TMEFF1: variants seen among roughly 807,000 people sequenced by gnomAD.
TMEFF1 encodes transmembrane protein with EGF like and two follistatin like domains 1, also known as tomoregulin-1.
Under a neutral mutation model 47.5 loss-of-function variants are expected in TMEFF1, and 20 were observed. The observed-to-expected ratio is 0.42, with a 90% CI of 0.30 to 0.61. The LOEUF is 0.61. Ranked by LOEUF, TMEFF1 falls within the 20% of genes least tolerant of loss-of-function variation. The probability of loss-of-function intolerance (pLI) is 0.19; values close to 1 mark genes in which losing one functional copy is unlikely to be tolerated. For synonymous variants in TMEFF1, 162 were observed against 166.3 expected, an observed-to-expected ratio of 0.97 and a Z score of 0.20; for missense variants, 411 against 471.1, an observed-to-expected ratio of 0.87 and a Z score of 1.18.
At chr9:100,495,932 G>A (rs1837642893) in intron 1 of TMEFF1, among the ~76,000 whole-genome samples, 1 of 152,120 alleles carries the variant, frequency 6.6e-6, no homozygotes, top group South Asian at 2.1e-4. Flanking sequence ...GGTACCTCCT[G>A]TCAGATATCA....
At chr9:100,483,473 G>A (rs1837380630) in intron 1 of TMEFF1, among the ~76,000 whole-genome samples, 1 of 150,524 alleles carries the variant, frequency 6.6e-6, no homozygotes, top group African/African-American at 2.4e-5. Flanking sequence ...CTCCAGCCTG[G>A]GCAACAAGAG....
At chr9:100,526,367 T>C (rs553413515) in intron 5 of TMEFF1, among the ~76,000 whole-genome samples, 1 of 152,284 alleles carries the variant, frequency 6.6e-6, no homozygotes, top group Admixed American at 6.5e-5. Flanking sequence ...TTTCCCTTCC[T>C]CTTTTTTCTA....
chr9:100,564,548 C>T (rs1384547715), intron 8 of TMEFF1, among the ~76,000 whole-genome samples: 1 of 152,088 alleles, frequency 6.6e-6, no homozygotes, highest in Non-Finnish European at 1.5e-5. Flanking sequence ...AAAATGCTAT[C>T]ATACACAGCT....
Position 100,473,838 on chromosome 9 carries a change from T to TG in TMEFF1, c.196+103dup. On this transcript the variant is annotated intron_variant, in intron 1 of 9. Coordinates refer to ENST00000374879, the MANE Select transcript of TMEFF1 (RefSeq NM_003692.5). This position sits in a 1 kb window ranked among gnomAD's most constrained non-coding sequence, Gnocchi z 5.4. The stretch of plus-strand genomic sequence containing the variant: ...GGCCGGGCTGGGAAAGACCCCGTCG[T>TG]GGGGGTCCCAGGGGTGGGCCCGAGG... 1 of 1,339,370 alleles carries TG rather than the reference T, an allele frequency of 7.5e-7. No individual in the cohort carries two copies. The highest frequency in any genetic ancestry group is 1.7e-5 in the South Asian group (1 of 57,388). 83.0% of individuals were successfully genotyped at this position (1,339,370 alleles called of 1,614,324 possible). A position where few individuals can be genotyped will look rare whatever the true frequency, so the allele number is the denominator to read the frequency against.
At chr9:100,506,958 G>GA (rs1348179310) in intron 2 of TMEFF1, among the ~76,000 whole-genome samples, 1 of 151,962 alleles carries the variant, frequency 6.6e-6, no homozygotes, top group East Asian at 1.9e-4. Flanking sequence ...GTTTATTGCT[G>GA]ATCCTGCCAC....
At chr9:100,511,866 T>A (rs192406431) in intron 3 of TMEFF1, among the ~76,000 whole-genome samples, 168 of 152,308 alleles carry the variant, frequency 1.1e-3, no homozygotes, top group Non-Finnish European at 1.8e-3. Context: ...GCGTACCATT[T>A]ACAAAATATA....
chr9:100,491,882 C>CTTT (rs145822143), intron 1 of TMEFF1, among the ~76,000 whole-genome samples: 2 of 137,458 alleles, frequency 1.5e-5, no homozygotes, highest in Non-Finnish European at 3.2e-5. Flanking sequence ...AGTTTCTTTC[C>CTTT]TTTTTTTTTT....
chr9:100,504,220 C>T (rs147920801), intron 2 of TMEFF1, among the ~76,000 whole-genome samples: 2 of 152,142 alleles, frequency 1.3e-5, no homozygotes, highest in Non-Finnish European at 2.9e-5. Flanking sequence ...AGTCAGAAAT[C>T]GCATGTTGTT....
chr9:100,572,442 G>C (rs913289695), intron 8 of TMEFF1, 76 bp from the exon 9 acceptor site: 2 of 1,404,868 alleles, frequency 1.4e-6, no homozygotes, highest in African/African-American at 2.9e-5. Flanking sequence ...TTACTATTTT[G>C]TATTTTTTAA....
At chr9:100,475,203 A>C (rs1837198011) in intron 1 of TMEFF1, among the ~76,000 whole-genome samples, 1 of 152,180 alleles carries the variant, frequency 6.6e-6, no homozygotes, top group Non-Finnish European at 1.5e-5. Flanking sequence ...GTCTCAGCGC[A>C]GATGCTTATG....
intron 2 of TMEFF1, 132 bp from the exon 3 acceptor site, chr9:100,508,871 CAA>C (rs35051442): frequency 7.7e-3 from 7,386 of 954,424 alleles, no homozygotes; most frequent in East Asian, 0.016. Context: ...CTTTTTAAGC[CAA>C]AAAAAAAAAA....
intron 7 of TMEFF1, among the ~76,000 whole-genome samples, chr9:100,558,649 G>T (rs1838959916): frequency 6.6e-6 from 1 of 151,292 alleles, no homozygotes; most frequent in Non-Finnish European, 1.5e-5. Context: ...AATTCAAGAT[G>T]GAAACCTTTA....
intron 2 of TMEFF1, among the ~76,000 whole-genome samples, chr9:100,505,859 G>A (rs546320498): frequency 6.6e-6 from 1 of 152,202 alleles, no homozygotes; most frequent in Non-Finnish European, 1.5e-5. Flanking sequence ...TTTAGCACTT[G>A]ATATCTTGGA....
At chr9:100,519,159 A>G (rs1301260885) in intron 5 of TMEFF1, among the ~76,000 whole-genome samples, 1 of 152,108 alleles carries the variant, frequency 6.6e-6, no homozygotes, top group African/African-American at 2.4e-5. Context: ...CATGCCTGTA[A>G]TCTCAATCTC....
chr9:100,539,728 C>T (rs529027695), intron 5 of TMEFF1, among the ~76,000 whole-genome samples: 3 of 152,260 alleles, frequency 2.0e-5, no homozygotes, highest in African/African-American at 7.2e-5. Context: ...TGGAAGGGTA[C>T]CTGAGCGGGT....
chr9:100,534,248 T>A (rs1311240977), intron 5 of TMEFF1, among the ~76,000 whole-genome samples: 1 of 152,222 alleles, frequency 6.6e-6, no homozygotes, highest in African/African-American at 2.4e-5. Context: ...TTATTTGGTA[T>A]AACAGCTGTA....
At chr9:100,521,687 A>G (rs1156865349) in intron 5 of TMEFF1, among the ~76,000 whole-genome samples, 1 of 152,134 alleles carries the variant, frequency 6.6e-6, no homozygotes, top group African/African-American at 2.4e-5. Context: ...TATATACCCG[A>G]CCTAAATCCC....
At position 100,533,691 on chromosome 9, in the gene TMEFF1, A is replaced by G. The variant is rs538216199; in HGVS notation, c.561-14053A>G. ...GTTCATTTTCTAACTTTTTAAATGG[A>G]TGCTTAATTTTATTTTTTGTCTTTT... On this transcript the variant is annotated intron_variant, in intron 5 of 9. Transcript: ENST00000374879. Among the ~76,000 whole-genome samples the G allele has an allele frequency of 1.2e-3, 179 of 149,716 alleles. 1 individual carries two copies. The South Asian group carries it at 0.026, about 21-fold the overall frequency.
At chr9:100,521,165 G>A (rs896652446) in intron 5 of TMEFF1, among the ~76,000 whole-genome samples, 4 of 152,182 alleles carry the variant, frequency 2.6e-5, no homozygotes, top group African/African-American at 9.7e-5. Context: ...TGAAGTGCGT[G>A]AACTTTATTC....
Sources: allele counts gnomAD v4.1 joint callset (sites outside exome capture counted in the v4.1 genomes callset), GRCh38; gene constraint gnomAD v4.1.1; non-coding constraint Gnocchi (gnomAD v3.1); transcripts MANE v1.5; gene names NCBI Gene and HGNC (gene_info 2026-07-23, HGNC 2026-07-21).